The following CAMK2B variants were observed in gnomAD, a reference collection of about 807,000 sequenced individuals.
The protein encoded by CAMK2B is calcium/calmodulin dependent protein kinase II beta.
Under a neutral mutation model 93.7 loss-of-function variants are expected in CAMK2B, and 27 were observed. The ratio of observed to expected loss-of-function variants is 0.29; its 90% CI spans 0.21 to 0.40. The LOEUF (loss-of-function observed/expected upper bound fraction) is 0.40, where lower values mean the gene tolerates loss of function less well. CAMK2B is among the 10% of genes least tolerant of loss of function. The pLI, the probability that CAMK2B is intolerant of heterozygous loss-of-function variation, is 1.00. For synonymous variants in CAMK2B, 374 were observed against 358.8 expected, an observed-to-expected ratio of 1.04 and a Z score of -0.48; for missense variants, 568 against 895.8, an observed-to-expected ratio of 0.63 and a Z score of 4.67.
intron 1 of CAMK2B, among the ~76,000 whole-genome samples, chr7:44,314,802 A>T (rs1794447938): frequency 6.6e-6 from 1 of 152,240 alleles, no homozygotes; most frequent in Admixed American, 6.5e-5. Context: ...GTGAAATGGC[A>T]TCGCATGATG....
chr7:44,297,253 T>G (rs988803107), intron 1 of CAMK2B, among the ~76,000 whole-genome samples: 57 of 151,990 alleles, frequency 3.8e-4, no homozygotes, highest in African/African-American at 1.4e-3. Context: ...TAAATGTATA[T>G]AGGTATATGG....
chr7:44,298,959 T>A (rs1305027394), intron 1 of CAMK2B, among the ~76,000 whole-genome samples: 2 of 152,206 alleles, frequency 1.3e-5, no homozygotes, highest in African/African-American at 2.4e-5. Context: ...TGTAAAATGT[T>A]GCAGCCACTG....
intron 1 of CAMK2B, among the ~76,000 whole-genome samples, chr7:44,302,662 T>C (rs1273458757): frequency 6.6e-6 from 1 of 152,158 alleles, no homozygotes. Flanking sequence ...ATCACACAAC[T>C]ATATCAATAC....
chr7:44,288,719 C>G (rs551513772), intron 1 of CAMK2B, among the ~76,000 whole-genome samples: 1 of 152,254 alleles, frequency 6.6e-6, no homozygotes, highest in East Asian at 1.9e-4. Flanking sequence ...TCAACAGTAC[C>G]AGGGAAACCT....
chr7:44,291,244 G>C (rs755338967), intron 1 of CAMK2B, among the ~76,000 whole-genome samples: 113 of 152,144 alleles, frequency 7.4e-4, no homozygotes, highest in Admixed American at 1.2e-3. Flanking sequence ...TTCCGCCAAG[G>C]GGGGAGAGTG....
intron 5 of CAMK2B, among the ~76,000 whole-genome samples, chr7:44,252,272 C>T (rs60463592): frequency 0.082 from 12,449 of 151,938 alleles, 667 homozygotes; most frequent in Non-Finnish European, 0.11. Flanking sequence ...TCTGGGCAGG[C>T]TGACTCTCAA....
intron 1 of CAMK2B, among the ~76,000 whole-genome samples, chr7:44,297,787 G>A (rs1460836687): frequency 6.6e-6 from 1 of 152,030 alleles, no homozygotes; most frequent in Non-Finnish European, 1.5e-5. Flanking sequence ...TCTTGAAAAA[G>A]AAAAACAAAG....
chr7:44,306,570 T>G (rs376510853), intron 1 of CAMK2B, among the ~76,000 whole-genome samples: 4 of 152,306 alleles, frequency 2.6e-5, no homozygotes, highest in African/African-American at 9.6e-5. Context: ...AGGGGAGGCC[T>G]GCAGGTCAGG....
Position 44,271,135 on chromosome 7 carries a change from T to A in CAMK2B, c.161-8071A>T, listed in dbSNP as rs191908825. On this transcript the variant is annotated intron_variant, in intron 2 of 23. Transcript: ENST00000395749. The surrounding 1 kb of genome is among the most constrained non-coding windows in gnomAD (Gnocchi z 4.2). Reference sequence around the variant, plus strand: ...GGTTTCACCATGTCGGCCAGGCTGGTCTTGAACTCCTGACCTCAGTTGATC... The same window carrying A: ...GGTTTCACCATGTCGGCCAGGCTGGACTTGAACTCCTGACCTCAGTTGATC... Among the ~76,000 whole-genome samples the A allele has an allele frequency of 4.1e-4, 63 of 152,190 alleles. No homozygotes were observed. The East Asian group carries it at 8.1e-3, about 20-fold the overall frequency.
At chr7:44,302,807 T>C (rs1790440447) in intron 1 of CAMK2B, among the ~76,000 whole-genome samples, 1 of 152,192 alleles carries the variant, frequency 6.6e-6, no homozygotes, top group South Asian at 2.1e-4. Flanking sequence ...ACACCATACT[T>C]CATGGTGAGA....
At position 44,241,787 on chromosome 7, in the gene CAMK2B, T is replaced by C; in HGVS notation, c.820-4A>G. On this transcript the variant is annotated splice_region_variant and splice_polypyrimidine_tract_variant and intron_variant, in intron 10 of 23. Coordinates refer to ENST00000395749, the MANE Select transcript of CAMK2B (RefSeq NM_001220.5). ...TGGATGCTACCGTGGAGCGTTGCTGTGGGGAAATGGGTGGTCATATGGCAG... is the reference window on the plus strand; with the variant it reads ...TGGATGCTACCGTGGAGCGTTGCTGCGGGGAAATGGGTGGTCATATGGCAG... 1.9e-6 allele frequency: 3 copies of C among 1,611,352 alleles called. No homozygotes were observed. The highest frequency in any genetic ancestry group is 2.5e-6 in the Non-Finnish European group (3 of 1,178,084).
chr7:44,294,120 C>T (rs1024407117), intron 1 of CAMK2B, among the ~76,000 whole-genome samples: 2 of 152,200 alleles, frequency 1.3e-5, no homozygotes, highest in Admixed American at 1.3e-4. Flanking sequence ...CAGCATCCCA[C>T]ACACCTGGCT....
At chr7:44,239,703 G>A (rs2096658663) in intron 12 of CAMK2B, 40 bp from the exon 13 acceptor site, 4 of 1,409,976 alleles carry the variant, frequency 2.8e-6, no homozygotes, top group Non-Finnish European at 3.9e-6. Context: ...AGGGAGGGGT[G>A]GGCGGACACA....
intron 18 of CAMK2B, 103 bp from the exon 19 acceptor site, chr7:44,229,027 T>C (rs1254411924): frequency 2.7e-6 from 3 of 1,102,678 alleles, no homozygotes; most frequent in Admixed American, 3.7e-5. Flanking sequence ...CTAGACCCCT[T>C]GGGCCCTGGG....
At chr7:44,298,204 C>T (rs929459318) in intron 1 of CAMK2B, among the ~76,000 whole-genome samples, 2 of 152,134 alleles carry the variant, frequency 1.3e-5, no homozygotes, top group Non-Finnish European at 2.9e-5. Context: ...GACACAGAGA[C>T]TAATGGAATA....
chr7:44,288,471 C>T (rs1408434099), intron 1 of CAMK2B, among the ~76,000 whole-genome samples: 1 of 152,232 alleles, frequency 6.6e-6, no homozygotes, highest in Non-Finnish European at 1.5e-5. Context: ...GTCGCTGTTC[C>T]TGTGGGCTGC....
Position 44,239,576 on chromosome 7 carries a change from G to C in CAMK2B, c.1021+13C>G. The C allele has an allele frequency of 6.5e-7, 1 of 1,546,398 alleles. No individual in the cohort carries two copies. The highest frequency in any genetic ancestry group is 2.4e-5 in the East Asian group (1 of 40,882). On this transcript the variant is annotated intron_variant, in intron 13 of 23. Coordinates refer to ENST00000395749, the MANE Select transcript of CAMK2B (RefSeq NM_001220.5). Reference sequence around the variant, plus strand: ...GGCGGGAGCGGGCGGGACGCTGGTCGAGACACATCTACCTTGTTCCACCAG... The same window carrying C: ...GGCGGGAGCGGGCGGGACGCTGGTCCAGACACATCTACCTTGTTCCACCAG...
chr7:44,303,369 C>T (rs1790623410), intron 1 of CAMK2B, among the ~76,000 whole-genome samples: 2 of 152,092 alleles, frequency 1.3e-5, no homozygotes, highest in South Asian at 2.1e-4. Context: ...AATCAAATAC[C>T]GGCAAGTTAT....
intron 17 of CAMK2B, among the ~76,000 whole-genome samples, chr7:44,230,775 C>T (rs1039790407): frequency 1.1e-4 from 16 of 152,172 alleles, no homozygotes; most frequent in African/African-American, 3.6e-4. Flanking sequence ...CACTTGGATG[C>T]GGTGACCGAG....
Sources: allele counts gnomAD v4.1 joint callset (sites outside exome capture counted in the v4.1 genomes callset), GRCh38; gene constraint gnomAD v4.1.1; non-coding constraint Gnocchi (gnomAD v3.1); transcripts MANE v1.5; gene names NCBI Gene and HGNC (gene_info 2026-07-23, HGNC 2026-07-21).